ZFHX3: variants seen among roughly 807,000 people sequenced by gnomAD.
The protein encoded by ZFHX3 is zinc finger homeobox 3, also known as zinc finger homeobox protein 3.
ZFHX3 carries 42 observed loss-of-function variants against 279.1 expected under a neutral mutation model. That is an observed-to-expected ratio of 0.15 (90% CI 0.12 to 0.19). The LOEUF (loss-of-function observed/expected upper bound fraction) is 0.19. Ranked by LOEUF, ZFHX3 falls within the 10% of genes least tolerant of loss-of-function variation. ZFHX3 has a pLI of 1.00. For missense variants in ZFHX3, 4,981 were observed against 4,754.0 expected, an observed-to-expected ratio of 1.05 and a Z score of -1.40; for synonymous variants, 2,293 against 1,957.8, an observed-to-expected ratio of 1.17 and a Z score of -4.52.
At chr16:73,765,483 A>C (rs1339398608) in intron 1 of ZFHX3, among the ~76,000 whole-genome samples, 1 of 152,216 alleles carries the variant, frequency 6.6e-6, no homozygotes, top group Non-Finnish European at 1.5e-5. Context: ...GAATAGAAAG[A>C]ATTGTGAGGC....
chr16:73,150,389 C>G (rs763892722), intron 5 of ZFHX3, among the ~76,000 whole-genome samples: 15 of 152,156 alleles, frequency 9.9e-5, no homozygotes, highest in Non-Finnish European at 1.9e-4. Context: ...AGCAGATGAC[C>G]TTTGCCAAGT....
chr16:73,534,408 C>A (rs961468066), intron 2 of ZFHX3, among the ~76,000 whole-genome samples: 2 of 152,282 alleles, frequency 1.3e-5, no homozygotes, highest in Admixed American at 6.5e-5. Flanking sequence ...CTTTCAGTTT[C>A]TCTTACCCTT....
intron 4 of ZFHX3, among the ~76,000 whole-genome samples, chr16:73,290,745 G>A (rs2014748825): frequency 6.6e-6 from 1 of 151,362 alleles, no homozygotes; most frequent in Non-Finnish European, 1.5e-5. Context: ...GGAGGAAAGA[G>A]CCACTAAGGT....
At chr16:73,154,773 G>T (rs1967032085) in intron 5 of ZFHX3, among the ~76,000 whole-genome samples, 1 of 151,966 alleles carries the variant, frequency 6.6e-6, no homozygotes, top group African/African-American at 2.4e-5. Flanking sequence ...ACTAAAGATG[G>T]GTGAAGAAAG....
chr16:73,529,972 T>C (rs1767910760), intron 2 of ZFHX3, among the ~76,000 whole-genome samples: 3 of 152,174 alleles, frequency 2.0e-5, no homozygotes, highest in African/African-American at 7.2e-5. Flanking sequence ...CACTCCATTG[T>C]ATTTGATAGT....
chr16:73,178,034 T>A (rs1194114312), intron 5 of ZFHX3, among the ~76,000 whole-genome samples: 2 of 152,088 alleles, frequency 1.3e-5, no homozygotes, highest in Non-Finnish European at 2.9e-5. Flanking sequence ...TACTCTGAGC[T>A]GAGATCTACC....
intron 2 of ZFHX3, among the ~76,000 whole-genome samples, chr16:73,489,281 T>C (rs1223008240): frequency 6.6e-6 from 1 of 152,222 alleles, no homozygotes; most frequent in Non-Finnish European, 1.5e-5. Context: ...TTCAACTGTA[T>C]TGGATCTTTA....
At chr16:73,668,286 G>A (rs2052866027) in intron 2 of ZFHX3, among the ~76,000 whole-genome samples, 1 of 151,996 alleles carries the variant, frequency 6.6e-6, no homozygotes, top group South Asian at 2.1e-4. Flanking sequence ...CATACCTCAA[G>A]CTGCTGATCT....
At chr16:73,198,337 G>T (rs1008535251) in intron 5 of ZFHX3, among the ~76,000 whole-genome samples, 9 of 148,896 alleles carry the variant, frequency 6.0e-5, no homozygotes, top group African/African-American at 2.0e-4. Context: ...TTCCATGCTG[G>T]TATCTTTTTT....
chr16:73,011,241 C>T (rs1963906149), intron 1 of ZFHX3, among the ~76,000 whole-genome samples: 1 of 152,104 alleles, frequency 6.6e-6, no homozygotes, highest in African/African-American at 2.4e-5. Context: ...GCCTCAGCCT[C>T]CCAATGTGCT....
At chr16:73,558,447 T>A (rs2020319320) in intron 2 of ZFHX3, 1 of 152,222 alleles carries the variant, frequency 6.6e-6, no homozygotes, top group South Asian at 2.1e-4. Context: ...CTTTGCCTTA[T>A]CAAATGGTAC....
Position 73,708,196 on chromosome 16 carries a change from C to T in ZFHX3, c.-1607-27956G>A, listed in dbSNP as rs561149538. ...TGGCAAGACACAGAAAGTAGAATTACTGGAGAAATCATTGAAGTCTCCGTT... is the reference window on the plus strand; with the variant it reads ...TGGCAAGACACAGAAAGTAGAATTATTGGAGAAATCATTGAAGTCTCCGTT... On this transcript the variant is annotated intron_variant, in intron 1 of 17. Coordinates refer to the ZFHX3 transcript ENST00000641206. 7.0e-4 allele frequency among the ~76,000 whole-genome samples: 107 copies of T among 152,322 alleles called. 1 individual carries two copies. In the South Asian group the frequency reaches 0.022, roughly 31 times the overall value.
At chr16:73,530,468 A>G (rs1469643291) in intron 2 of ZFHX3, among the ~76,000 whole-genome samples, 2 of 152,192 alleles carry the variant, frequency 1.3e-5, no homozygotes, top group African/African-American at 4.8e-5. Flanking sequence ...TACTTCTCTC[A>G]TTCCAAAAGT....
chr16:73,871,061 A>C (rs958892830), intron 1 of ZFHX3, among the ~76,000 whole-genome samples: 2 of 152,178 alleles, frequency 1.3e-5, no homozygotes, highest in African/African-American at 2.4e-5. Context: ...CGTGGGTCAG[A>C]CGGATGAGAA....
Position 72,890,031 on chromosome 16 carries a change from C to T in ZFHX3, c.3217-69G>A, listed in dbSNP as rs1456714076. 8 of 1,416,530 alleles carry T rather than the reference C, an allele frequency of 5.6e-6. No homozygotes were observed. The Admixed American group carries it at 1.6e-4, about 28-fold the overall frequency. The allele number at this position is 1,416,530 out of a possible 1,614,324, so 87.7% of individuals were successfully genotyped here. ...CGAAGCGGCCACTGGCATCAGCCCA[C>T]ACCATCCTGGTCACAGCCAGAGGCA... is the stretch of plus-strand genomic sequence containing the variant. On this transcript the variant is annotated intron_variant, in intron 3 of 9. Coordinates refer to ENST00000268489, the MANE Select transcript of ZFHX3 (RefSeq NM_006885.4).
At chr16:73,233,656 T>C (rs2144933973) in intron 5 of ZFHX3, among the ~76,000 whole-genome samples, 1 of 152,312 alleles carries the variant, frequency 6.6e-6, no homozygotes, top group South Asian at 2.1e-4. Flanking sequence ...GGCTTGGTGA[T>C]TTTAATACAG....
intron 6 of ZFHX3, among the ~76,000 whole-genome samples, chr16:73,131,827 C>A (rs1023864104): frequency 6.6e-6 from 1 of 152,162 alleles, no homozygotes; most frequent in Non-Finnish European, 1.5e-5. Flanking sequence ...CCTTTCCCAG[C>A]AAGTTGCATT....
At chr16:72,834,370 C>G in intron 4 of ZFHX3, among the ~76,000 whole-genome samples, 1 of 152,248 alleles carries the variant, frequency 6.6e-6, no homozygotes, top group East Asian at 1.9e-4. Context: ...GGCTTCCTGA[C>G]TAAGTGCAGA....
intron 3 of ZFHX3, among the ~76,000 whole-genome samples, chr16:73,359,158 C>T (rs1488165548): frequency 2.7e-5 from 4 of 146,356 alleles, no homozygotes; most frequent in Admixed American, 1.4e-4. Context: ...TCTTTAGGTT[C>T]TAAAAGAAGG....
Sources: gnomAD v4.1 joint callset for allele counts (sites outside exome capture counted in the v4.1 genomes callset) on GRCh38, gnomAD v4.1.1 for gene constraint, MANE v1.5 for transcripts, NCBI Gene and HGNC (gene_info 2026-07-23, HGNC 2026-07-21) for gene names.